The following NKIRAS1 variants were observed in gnomAD, a reference collection of about 807,000 sequenced individuals.
NKIRAS1 encodes NFKB inhibitor interacting Ras like 1, also known as NF-kappa-B inhibitor-interacting Ras-like protein 1.
In NKIRAS1, 16 loss-of-function variants were observed where a neutral mutation model predicts 19.8. That is an observed-to-expected ratio of 0.81 (90% CI 0.55 to 1.23). The LOEUF (loss-of-function observed/expected upper bound fraction) is 1.23. Ranked by LOEUF, NKIRAS1 falls within the 50% of genes most tolerant of loss-of-function variation. The probability of loss-of-function intolerance (pLI) is 0.00; values close to 1 mark genes in which losing one functional copy is unlikely to be tolerated. For synonymous variants in NKIRAS1, 88 were observed against 79.0 expected, an observed-to-expected ratio of 1.11 and a Z score of -0.61; for missense variants, 184 against 220.0, an observed-to-expected ratio of 0.84 and a Z score of 1.04.
chr3:23,918,618 G>C (rs1320985374), upstream of NKIRAS1: 2 of 1,597,098 alleles, frequency 1.3e-6, no homozygotes, highest in Admixed American at 3.5e-5. Context: ...TACTGCCTGG[G>C]GATGGTGGGA....
At chr3:23,946,302 G>A (rs1705705952) in intron 1 of NKIRAS1, 1 of 985,468 alleles carries the variant, frequency 1.0e-6, no homozygotes, top group Admixed American at 6.1e-5. Context: ...CCGGCGCCTG[G>A]GGAGGCTGGT....
rs1459899843 is a variant in NKIRAS1, at chr3:23,926,476, TTCTC to T, written c.-139-15030_-139-15027del. On this transcript the variant is annotated intron_variant, in intron 1 of 4. Coordinates refer to the NKIRAS1 transcript ENST00000421515. The surrounding 1 kb of genome is among the most constrained non-coding windows in gnomAD (Gnocchi z 4.3). ...TCTCTCTTTTTTCTCTTCTTCCTCT[TTCTC>T]TCCTTCTCTTTCCTCTTCCTCTTCT... Among the ~76,000 whole-genome samples, 1 of 152,154 alleles carries T rather than the reference TTCTC, an allele frequency of 6.6e-6. No individual in the cohort carries two copies. Among genetic ancestry groups the T allele is most frequent in the Non-Finnish European group, 1.5e-5 (1 of 68,028 alleles).
At position 23,890,323 on chromosome 3, in the gene NKIRAS1, C is replaced by A. The variant is rs1701362109; in HGVS notation, c.*2772G>T. Among the ~76,000 whole-genome samples, 1 of 152,184 alleles carries A rather than the reference C, an allele frequency of 6.6e-6. No individual in the cohort carries two copies. Among genetic ancestry groups the A allele is most frequent in the South Asian group, 2.1e-4 (1 of 4,832 alleles). On this transcript the variant is annotated 3_prime_UTR_variant, in exon 5 of 5. Coordinates refer to ENST00000425478, the MANE Select transcript of NKIRAS1 (RefSeq NM_020345.4). The stretch of plus-strand genomic sequence containing the variant: ...GTACACTAAAGCCTAAGCATTCCCT[C>A]TTCCCCCAACGTTATGTTTTTTTGA...
chr3:23,903,808 T>C (rs773714090), intron 3 of NKIRAS1, among the ~76,000 whole-genome samples: 2 of 152,094 alleles, frequency 1.3e-5, no homozygotes, highest in South Asian at 4.1e-4. Flanking sequence ...AACAAAATAA[T>C]TCAAAACTGA....
At chr3:23,935,564 G>A (rs977210462) in intron 1 of NKIRAS1, among the ~76,000 whole-genome samples, 1 of 152,034 alleles carries the variant, frequency 6.6e-6, no homozygotes, top group African/African-American at 2.4e-5. Context: ...TGGCACTATA[G>A]GCACGTGTCA....
At chr3:23,938,882 G>A (rs1315368361) in intron 1 of NKIRAS1, among the ~76,000 whole-genome samples, 1 of 152,176 alleles carries the variant, frequency 6.6e-6, no homozygotes, top group Non-Finnish European at 1.5e-5. Flanking sequence ...TTGTGAGGAA[G>A]TCCAAAGTAG....
rs1327378522 is a variant in NKIRAS1, at chr3:23,890,564, T to C, written c.*2531A>G. ...AGTATATGACCAACAGAGCAGAACA[T>C]GACAGAATGGCCAGACAGTGGACCA... is the stretch of plus-strand genomic sequence containing the variant. On this transcript the variant is annotated 3_prime_UTR_variant, in exon 5 of 5. Transcript: ENST00000425478. 6.2e-7 allele frequency: 1 copy of C among 1,613,796 alleles called. No homozygotes were observed. Among genetic ancestry groups the C allele is most frequent in the East Asian group, 2.2e-5 (1 of 44,848 alleles).
At chr3:23,893,366 A>G in intron 4 of NKIRAS1, 29 bp from the exon 5 acceptor site, 1 of 1,587,012 alleles carries the variant, frequency 6.3e-7, no homozygotes, top group South Asian at 1.1e-5. Flanking sequence ...AAAAGATCAT[A>G]CTAGTACTTT....
intron 1 of NKIRAS1, among the ~76,000 whole-genome samples, chr3:23,915,722 T>C (rs1205735559): frequency 1.3e-5 from 2 of 152,188 alleles, no homozygotes; most frequent in African/African-American, 4.8e-5. Flanking sequence ...TGTTCCTCTA[T>C]TAATCTTGCA....
chr3:23,935,338 T>C (rs1269250843), intron 1 of NKIRAS1, among the ~76,000 whole-genome samples: 1 of 151,888 alleles, frequency 6.6e-6, no homozygotes, highest in African/African-American at 2.4e-5. Context: ...AAGAAATTAG[T>C]TTATGAAAGA....
intron 1 of NKIRAS1, among the ~76,000 whole-genome samples, chr3:23,937,787 T>C (rs1332848145): frequency 6.6e-6 from 1 of 152,208 alleles, no homozygotes; most frequent in Admixed American, 6.5e-5. Flanking sequence ...ATTAGATATT[T>C]TTTCCACTCT....
chr3:23,918,493 C>G (rs1275991366), upstream of NKIRAS1: 1 of 1,613,772 alleles, frequency 6.2e-7, no homozygotes, highest in Non-Finnish European at 8.5e-7. Flanking sequence ...ACGCCCAGTT[C>G]CTAAGGGTGC....
rs1018815505 is a variant in NKIRAS1 at position 23,892,265 on chromosome 3, T to G, written c.*830A>C. 6.6e-6 allele frequency: 1 copy of G among 152,162 alleles called. No individual in the cohort carries two copies. Among genetic ancestry groups the G allele is most frequent in the African/African-American group, 2.4e-5 (1 of 41,452 alleles). 9.4% of individuals were successfully genotyped at this position (152,162 alleles called of 1,614,324 possible). ...AACAACACAAACTCAGACATCTAAG[T>G]CAGATCAAATTAGAGCCCAATATTT... is the stretch of plus-strand genomic sequence containing the variant. On this transcript the variant is annotated 3_prime_UTR_variant, in exon 5 of 5. Coordinates refer to ENST00000425478, the MANE Select transcript of NKIRAS1 (RefSeq NM_020345.4).
chr3:23,892,272 A>T lies in NKIRAS1; in HGVS notation c.*823T>A, dbSNP rs1180485193. 6.6e-6 allele frequency: 1 copy of T among 152,242 alleles called. No individual in the cohort carries two copies. The highest frequency in any genetic ancestry group is 1.5e-5 in the Non-Finnish European group (1 of 68,044). 9.4% of individuals were successfully genotyped at this position (152,242 alleles called of 1,614,324 possible). A position where few individuals can be genotyped will look rare whatever the true frequency, so the allele number is the denominator to read the frequency against. On this transcript the variant is annotated 3_prime_UTR_variant, in exon 5 of 5. Coordinates refer to ENST00000425478, the MANE Select transcript of NKIRAS1 (RefSeq NM_020345.4). ...CAAACTCAGACATCTAAGTCAGATC[A>T]AATTAGAGCCCAATATTTTTGATAC... is the stretch of plus-strand genomic sequence containing the variant.
Position 23,890,861 on chromosome 3 carries a change from A to C in NKIRAS1, c.*2234T>G. 3.2e-6 allele frequency: 1 copy of C among 309,948 alleles called. No homozygotes were observed. The highest frequency in any genetic ancestry group is 2.2e-5 in the African/African-American group (1 of 46,426). The allele number at this position is 309,948 out of a possible 1,614,324, so 19.2% of individuals were successfully genotyped here. The stretch of plus-strand genomic sequence containing the variant: ...AAATGTAGTACAGAAAAGAATGTAC[A>C]TTTAGACATTTGGGTTCAGTTGCTT... On this transcript the variant is annotated 3_prime_UTR_variant, in exon 5 of 5. Transcript: ENST00000425478.
At chr3:23,921,964 C>G (rs1362628281), upstream of NKIRAS1, 1 of 222,112 alleles carries the variant, frequency 4.5e-6, no homozygotes, top group African/African-American at 2.3e-5. Context: ...CCTTGGCCTC[C>G]CAAAGTGCTG....
chr3:23,892,954 C>T lies in NKIRAS1; in HGVS notation c.*141G>A. The T allele has an allele frequency of 1.4e-6, 1 of 710,872 alleles. No homozygotes were observed. The allele number at this position is 710,872 out of a possible 1,614,324, so 44.0% of individuals were successfully genotyped here. On this transcript the variant is annotated 3_prime_UTR_variant, in exon 5 of 5. Coordinates refer to ENST00000425478, the MANE Select transcript of NKIRAS1 (RefSeq NM_020345.4). ...CCAAATACTTTTAACATCTAAAGTG[C>T]ATTAATTGACTTCCTTAGGAATTTT...
chr3:23,915,647 T>C (rs1704289211), intron 1 of NKIRAS1, among the ~76,000 whole-genome samples: 1 of 152,200 alleles, frequency 6.6e-6, no homozygotes, highest in African/African-American at 2.4e-5. Context: ...TGTGAGAACC[T>C]TCACCTCTCC....
chr3:23,916,327 C>A (rs1257178702), intron 1 of NKIRAS1: 1 of 152,148 alleles, frequency 6.6e-6, no homozygotes, highest in African/African-American at 2.4e-5. Flanking sequence ...AAACCCGCAA[C>A]GCAAAATGCC....
Sources: allele counts gnomAD v4.1 joint callset (sites outside exome capture counted in the v4.1 genomes callset), GRCh38; gene constraint gnomAD v4.1.1; non-coding constraint Gnocchi (gnomAD v3.1); transcripts MANE v1.5; gene names NCBI Gene and HGNC (gene_info 2026-07-23, HGNC 2026-07-21).